PTPRB: variants seen among roughly 807,000 people sequenced by gnomAD.
PTPRB encodes protein tyrosine phosphatase receptor type B.
In PTPRB, 97 loss-of-function variants were observed where a neutral mutation model predicts 238.1. The observed-to-expected ratio is 0.41, with a 90% confidence interval of 0.35 to 0.48. The LOEUF (loss-of-function observed/expected upper bound fraction) is 0.48, where lower values mean the gene tolerates loss of function less well. Ranked by LOEUF, PTPRB falls within the 20% of genes least tolerant of loss-of-function variation. The pLI, the probability that PTPRB is intolerant of heterozygous loss-of-function variation, is 0.30. For missense variants in PTPRB, 2,292 were observed against 2,681.9 expected (o/e 0.85, Z 3.21); for synonymous variants, 970 against 995.4 (o/e 0.97, Z 0.48).
rs1386066878 is a variant in PTPRB at position 70,560,324 on chromosome 12, G to A, written c.4432+347C>T. Among the ~76,000 whole-genome samples, 1 of 152,110 alleles carries A rather than the reference G, an allele frequency of 6.6e-6. No individual in the cohort carries two copies. The highest frequency in any genetic ancestry group is 1.5e-5 in the Non-Finnish European group (1 of 67,992). On this transcript the variant is annotated intron_variant, in intron 17 of 33. Coordinates refer to ENST00000334414, the MANE Select transcript of PTPRB (RefSeq NM_001109754.4). This position sits in a 1 kb window ranked among gnomAD's most constrained non-coding sequence, Gnocchi z 4.2. ...AGCCTTGTTGATTAACTCCAGGGTG[G>A]CACACAGACCTCTGTGTGTGCCCAT...
At chr12:70,636,573 T>A (rs1183641067) in intron 1 of PTPRB, among the ~76,000 whole-genome samples, 1 of 152,202 alleles carries the variant, frequency 6.6e-6, no homozygotes, top group Admixed American at 6.5e-5. Flanking sequence ...AACAATTTTT[T>A]AAAATTGCAT....
At chr12:70,596,363 A>C (rs991527962) in intron 4 of PTPRB, 36 bp from the exon 5 acceptor site, 3 of 1,337,670 alleles carry the variant, frequency 2.2e-6, no homozygotes, top group African/African-American at 3.0e-5. Flanking sequence ...ACAAAAAAAA[A>C]AAAGAAAGAA....
chr12:70,619,298 G>GATA, intron 3 of PTPRB, among the ~76,000 whole-genome samples: 1 of 142,456 alleles, frequency 7.0e-6, no homozygotes, highest in Non-Finnish European at 1.5e-5. Flanking sequence ...TGGTGGTGGT[G>GATA]ATGATGATGA....
In PTPRB at chr12:70,516,884, A is replaced by G. The variant is rs1020534095; in HGVS notation, c.*4605T>C. The G allele has an allele frequency of 1.3e-5, 2 of 152,200 alleles. No individual in the cohort carries two copies. Among genetic ancestry groups the G allele is most frequent in the Non-Finnish European group, 2.9e-5 (2 of 68,036 alleles). 9.4% of individuals were successfully genotyped at this position (152,200 alleles called of 1,614,324 possible). The stretch of plus-strand genomic sequence containing the variant: ...CATTCACCAACAATTTCTTTATTTA[A>G]TAAGTGTATCTTATATAGACAATCT... On this transcript the variant is annotated 3_prime_UTR_variant, in exon 34 of 34. Transcript: ENST00000334414.
intron 32 of PTPRB, among the ~76,000 whole-genome samples, chr12:70,524,872 T>G (rs1444836159): frequency 1.4e-5 from 2 of 147,666 alleles, no homozygotes; most frequent in Non-Finnish European, 3.0e-5. Flanking sequence ...TGTGTATATA[T>G]GTGTGTATAT....
chr12:70,601,436 C>G (rs1883480541), intron 4 of PTPRB, among the ~76,000 whole-genome samples: 1 of 152,148 alleles, frequency 6.6e-6, no homozygotes, highest in Non-Finnish European at 1.5e-5. Flanking sequence ...GTCTAAGTTT[C>G]TTTCTAGGCA....
Position 70,592,312 on chromosome 12 carries a change from A to G in PTPRB, c.1750T>C (p.Ser584Pro), listed in dbSNP as rs1448142229. The G allele has an allele frequency of 6.2e-7, 1 of 1,614,032 alleles. No homozygotes were observed. The highest frequency in any genetic ancestry group is 8.5e-7 in the Non-Finnish European group (1 of 1,179,902). Reference protein sequence around the residue: ...VTVSCVSGELSAQKMAVGRTF... With the variant: ...VTVSCVSGELPAQKMAVGRTF... ...CTGCCCACTGCCATCTTCTGAGCAG[A>G]CAGTTCACCAGAGACACAGCTGACA... is the stretch of plus-strand genomic sequence containing the variant. The change falls in exon 7 of 34, where the codon TCT becomes CCT. Residue 584 changes from serine to proline, a missense_variant. By Grantham distance (74) the Ser-to-Pro change is moderately conservative. Coordinates refer to ENST00000334414, the MANE Select transcript of PTPRB (RefSeq NM_001109754.4).
Position 70,539,953 on chromosome 12 carries a change from G to A in PTPRB, c.5664C>T (p.Asn1888=), listed in dbSNP as rs1434965959. The A allele has an allele frequency of 6.2e-7, 1 of 1,611,102 alleles. No individual in the cohort carries two copies. The highest frequency in any genetic ancestry group is 1.3e-5 in the African/African-American group (1 of 74,856). The change falls in exon 24 of 34, where the codon AAC becomes AAT. Residue 1888 remains asparagine (N), a synonymous_variant. Coordinates refer to ENST00000334414, the MANE Select transcript of PTPRB (RefSeq NM_001109754.4). ...GTGGTGCTTACCCTTTCTGGCCCAG[G>A]TTTAAGTGGACAGATAATGGTCGAT... ...RRDRPLSVHL[N]LGQKGNRKTS...
intron 21 of PTPRB, among the ~76,000 whole-genome samples, chr12:70,552,102 A>G (rs1876967548): frequency 6.6e-6 from 1 of 152,172 alleles, no homozygotes; most frequent in African/African-American, 2.4e-5. Flanking sequence ...ATAACTTCAT[A>G]TTGTTTTTGG....
chr12:70,590,319 G>A (rs1215491608), intron 7 of PTPRB, 86 bp from the exon 8 acceptor site: 21 of 1,334,772 alleles, frequency 1.6e-5, no homozygotes, highest in Middle Eastern at 1.9e-4. Flanking sequence ...GCAGTAGATA[G>A]GAGACACAAT....
intron 3 of PTPRB, among the ~76,000 whole-genome samples, chr12:70,616,875 T>C (rs1160124552): frequency 6.6e-6 from 1 of 152,144 alleles, no homozygotes; most frequent in Non-Finnish European, 1.5e-5. Flanking sequence ...CATCCCTCAG[T>C]ATGGGGGTGG....
Position 70,596,059 on chromosome 12 carries a change from A to G in PTPRB, c.1248T>C (p.Asn416=), listed in dbSNP as rs1882979435. The G allele has an allele frequency of 1.9e-6, 3 of 1,602,876 alleles. No individual in the cohort carries two copies. The highest frequency in any genetic ancestry group is 2.2e-5 in the South Asian group (2 of 89,722). Residue 416 remains asparagine, a synonymous_variant, in exon 5 of 34, where the codon AAT becomes AAC. Transcript: ENST00000334414. ...ATAAACAGGTCTTACCTGTTGATCCATTGGTATAAACTGAAAAAGAACGTT... is the reference window on the plus strand; with the variant it reads ...ATAAACAGGTCTTACCTGTTGATCCGTTGGTATAAACTGAAAAAGAACGTT... The part of the protein sequence containing the change: ...GGKRSFSVYT[N]GSTVPSPVKD...
rs1871540630 is a variant in PTPRB at position 70,520,441 on chromosome 12, A to G, written c.*1048T>C. 8.6e-6 allele frequency: 2 copies of G among 232,604 alleles called. No individual in the cohort carries two copies. The highest frequency in any genetic ancestry group is 1.7e-5 in the Non-Finnish European group (2 of 115,362). The allele number at this position is 232,604 out of a possible 1,614,324, so 14.4% of individuals were successfully genotyped here. ...TGTTTTTGCTATTGTTTTTAAATTT[A>G]CTATATATGATGTTTGTAGTCATTT... On this transcript the variant is annotated 3_prime_UTR_variant, in exon 34 of 34. Transcript: ENST00000334414.
intron 15 of PTPRB, among the ~76,000 whole-genome samples, chr12:70,566,016 C>T (rs1014460592): frequency 6.6e-5 from 10 of 152,182 alleles, no homozygotes; most frequent in South Asian, 2.1e-4. Context: ...GGAATGTGGG[C>T]GGCCTCAGAA....
chr12:70,593,832 A>G (rs189769107), intron 6 of PTPRB, among the ~76,000 whole-genome samples: 2 of 152,328 alleles, frequency 1.3e-5, no homozygotes, highest in East Asian at 1.9e-4. Flanking sequence ...GACTTGCTAG[A>G]AGCATTAGAT....
chr12:70,581,013 A>G (rs765931656), intron 10 of PTPRB, 23 bp downstream of exon 10: 1 of 1,606,920 alleles, frequency 6.2e-7, no homozygotes, highest in South Asian at 1.1e-5. Context: ...GTTAAGTCAC[A>G]GACACATATC....
At chr12:70,582,553 A>G (rs1881495574) in intron 9 of PTPRB, among the ~76,000 whole-genome samples, 1 of 152,114 alleles carries the variant, frequency 6.6e-6, no homozygotes, top group Non-Finnish European at 1.5e-5. Context: ...TTCAAAGGCA[A>G]TTTCATGGAG....
intron 20 of PTPRB, among the ~76,000 whole-genome samples, chr12:70,553,279 G>C (rs933994174): frequency 6.6e-6 from 1 of 152,042 alleles, no homozygotes; most frequent in African/African-American, 2.4e-5. Context: ...ATAAAATAAG[G>C]GTAGCTCATT....
intron 4 of PTPRB, among the ~76,000 whole-genome samples, chr12:70,597,050 T>C (rs1883092783): frequency 1.3e-5 from 2 of 152,048 alleles, no homozygotes; most frequent in African/African-American, 4.8e-5. Context: ...CCCGAGTAGC[T>C]GGGATTACAG....
Sources: gnomAD v4.1 joint callset for allele counts (sites outside exome capture counted in the v4.1 genomes callset) on GRCh38, gnomAD v4.1.1 for gene constraint, Gnocchi (gnomAD v3.1) non-coding constraint, MANE v1.5 for transcripts, NCBI Gene and HGNC (gene_info 2026-07-23, HGNC 2026-07-21) for gene names.